The following CFTR variants were observed in gnomAD, a reference collection of about 807,000 sequenced individuals.
CFTR encodes the protein cystic fibrosis transmembrane conductance regulator.
CFTR carries 181 observed loss-of-function variants against 171.6 expected under a neutral mutation model. The observed-to-expected ratio is 1.05, with a 90% CI of 0.93 to 1.19. CFTR has a LOEUF of 1.19. Ranked by LOEUF, CFTR falls within the 50% of genes most tolerant of loss-of-function variation. CFTR has a pLI of 0.00. For synonymous variants in CFTR, 583 were observed against 608.0 expected, an observed-to-expected ratio of 0.96 and a Z score of 0.60; for missense variants, 1,968 against 1,734.7, an observed-to-expected ratio of 1.13 and a Z score of -2.39.
chr7:117,637,738 G>A (rs376509543), intron 22 of CFTR, among the ~76,000 whole-genome samples: 52 of 152,130 alleles, frequency 3.4e-4, no homozygotes, highest in African/African-American at 1.1e-3. Context: ...TCAGCCAGGT[G>A]TGGTGGCACA....
intron 14 of CFTR, among the ~76,000 whole-genome samples, chr7:117,594,497 T>A (rs978299988): frequency 5.3e-5 from 8 of 152,314 alleles, no homozygotes; most frequent in African/African-American, 1.9e-4. Context: ...TTCAGTCTAT[T>A]GGAAGACCTT....
chr7:117,648,023 T>C (rs1273793177), intron 23 of CFTR, among the ~76,000 whole-genome samples: 1 of 148,030 alleles, frequency 6.8e-6, no homozygotes, highest in Non-Finnish European at 1.5e-5. Flanking sequence ...TGTGTGTGTG[T>C]GTATATATAT....
rs371735330 is a variant in CFTR, at chr7:117,586,819, G to C, written c.1585-920G>C. Among the ~76,000 whole-genome samples the C allele has an allele frequency of 2.0e-5, 3 of 151,642 alleles. No individual in the cohort carries two copies. The East Asian group carries it at 5.8e-4, about 29-fold the overall frequency. On this transcript the variant is annotated intron_variant, in intron 11 of 26. Transcript: ENST00000003084. ...GAGTTTACTACCTATCTAACTCTTC[G>C]CATTCTTGAAGTCTCAGACCAAATC... is the stretch of plus-strand genomic sequence containing the variant.
chr7:117,644,432 G>A (rs1430223656), intron 23 of CFTR, among the ~76,000 whole-genome samples: 1 of 151,572 alleles, frequency 6.6e-6, no homozygotes, highest in Non-Finnish European at 1.5e-5. Context: ...AAAAAAAAAG[G>A]AAGAAGGAAT....
rs746301481 is a variant in CFTR, at chr7:117,603,606, G to A, written c.2732G>A (p.Ser911Asn). 3.7e-6 allele frequency: 6 copies of A among 1,614,026 alleles called. No individual in the cohort carries two copies. The South Asian group carries it at 6.6e-5, about 18-fold the overall frequency. ...NSYAVIITST[S>N]SYYVFYIYVG... ...TATGCAGTGATTATCACCAGCACCA[G>A]TTCGTATTATGTGTTTTACATTTAC... Residue 911 changes from serine to asparagine, a missense_variant, in exon 17 of 27, where the codon AGT becomes AAT. By Grantham distance (46) the Ser-to-Asn change is conservative (BLOSUM62 1). Coordinates refer to ENST00000003084, the MANE Select transcript of CFTR (RefSeq NM_000492.4).
intron 23 of CFTR, among the ~76,000 whole-genome samples, chr7:117,649,717 T>C (rs1178920482): frequency 1.3e-5 from 2 of 152,030 alleles, no homozygotes; most frequent in Non-Finnish European, 2.9e-5. Context: ...GGACAGGGTA[T>C]GCAGCAGTTA....
intron 22 of CFTR, among the ~76,000 whole-genome samples, chr7:117,634,941 T>C (rs2116147115): frequency 6.6e-6 from 1 of 152,234 alleles, no homozygotes; most frequent in South Asian, 2.1e-4. Context: ...TTGAATGAGG[T>C]AGTCTATAGA....
chr7:117,633,456 A>G (rs1302083357), intron 22 of CFTR, among the ~76,000 whole-genome samples: 3 of 152,150 alleles, frequency 2.0e-5, no homozygotes, highest in East Asian at 3.9e-4. Context: ...ATCTGAACTT[A>G]GTTTTATTTC....
chr7:117,514,492 T>A (rs1292091854), intron 3 of CFTR, among the ~76,000 whole-genome samples: 1 of 152,176 alleles, frequency 6.6e-6, no homozygotes, highest in Non-Finnish European at 1.5e-5. Flanking sequence ...ATGATCTCAT[T>A]CCTTTTTATG....
Position 117,656,520 on chromosome 7 carries a change from C to T in CFTR, c.3963+3589C>T, listed in dbSNP as rs561532640. On this transcript the variant is annotated intron_variant, in intron 24 of 26. Transcript: ENST00000003084. ...TTCTAAATAACACCTTATGTTTATC[C>T]AACAGGTGGTTCATTATACTTGAGA... 2.0e-3 allele frequency among the ~76,000 whole-genome samples: 304 copies of T among 152,146 alleles called. 1 individual carries two copies. Among genetic ancestry groups the T allele is most frequent in the Non-Finnish European group, 1.8e-3 (123 of 68,010 alleles).
intron 3 of CFTR, among the ~76,000 whole-genome samples, chr7:117,524,407 A>C (rs868258904): frequency 6.6e-6 from 1 of 151,794 alleles, no homozygotes; most frequent in Non-Finnish European, 1.5e-5. Flanking sequence ...AAAAAAAAAA[A>C]CCAAATCAAA....
chr7:117,535,524 A>C lies in CFTR; in HGVS notation c.743+113A>C. Reference sequence around the variant, plus strand: ...AGAACAGTGATCTTCAGTGTCATTAAATTTTTTTTTTTTTTTTTTTTTTGA... The same window carrying C: ...AGAACAGTGATCTTCAGTGTCATTACATTTTTTTTTTTTTTTTTTTTTTGA... On this transcript the variant is annotated intron_variant, in intron 6 of 26. Coordinates refer to ENST00000003084, the MANE Select transcript of CFTR (RefSeq NM_000492.4). The C allele has an allele frequency of 6.5e-6, 5 of 774,664 alleles. 1 individual carries two copies. In the South Asian group the frequency reaches 8.5e-5, roughly 13 times the overall value. The allele number at this position is 774,664 out of a possible 1,614,324, so 48.0% of individuals were successfully genotyped here.
chr7:117,611,853 T>G (rs369353024), intron 20 of CFTR, 45 bp downstream of exon 20: 1 of 1,348,928 alleles, frequency 7.4e-7, no homozygotes, highest in Non-Finnish European at 1.1e-6. Context: ...AAGTAAAAAA[T>G]TTTCAATGAA....
intron 4 of CFTR, 107 bp downstream of exon 4, chr7:117,531,221 A>T (rs1798860963): frequency 1.3e-6 from 1 of 784,176 alleles, no homozygotes; most frequent in South Asian, 1.5e-5. Flanking sequence ...TAAATGCTGA[A>T]ATTAATTTAA....
intron 10 of CFTR, among the ~76,000 whole-genome samples, chr7:117,558,553 C>CTAAATAAATAAATAAATAAATAAA (rs10655920): frequency 2.1e-5 from 3 of 145,208 alleles, no homozygotes; most frequent in Non-Finnish European, 3.0e-5. Flanking sequence ...GACTCTGTCT[C>CTAAATAAATAAATAAATAAATAAA]TAAATAAATA....
rs1337616659 is a variant in CFTR at position 117,631,833 on chromosome 7, TG to T, written c.3717+4064del. On this transcript the variant is annotated intron_variant, in intron 22 of 26. Transcript: ENST00000003084. ...CAAACCTAAAGAGTTCATGGATACGTGCAATTTACAGATGCACAGTCAGAAG... is the reference window on the plus strand; with the variant it reads ...CAAACCTAAAGAGTTCATGGATACGTCAATTTACAGATGCACAGTCAGAAG... Among the ~76,000 whole-genome samples, 3 of 152,314 alleles carry T rather than the reference TG, an allele frequency of 2.0e-5. No homozygotes were observed. The East Asian group carries it at 5.8e-4, about 29-fold the overall frequency.
chr7:117,653,504 A>G (rs981783792), intron 24 of CFTR, among the ~76,000 whole-genome samples: 1 of 152,140 alleles, frequency 6.6e-6, no homozygotes, highest in African/African-American at 2.4e-5. Flanking sequence ...CTCTTTTACA[A>G]TGGCACTAAT....
At chr7:117,577,963 A>G (rs1791795839) in intron 11 of CFTR, among the ~76,000 whole-genome samples, 1 of 152,180 alleles carries the variant, frequency 6.6e-6, no homozygotes, top group African/African-American at 2.4e-5. Flanking sequence ...TTAGCACCAT[A>G]ATAGTGAATG....
chr7:117,661,100 C>G (rs1411132512), intron 24 of CFTR, among the ~76,000 whole-genome samples: 2 of 152,292 alleles, frequency 1.3e-5, no homozygotes, highest in Middle Eastern at 3.4e-3. Context: ...TCTTGCTTTC[C>G]ATTATCTCAC....
Sources: allele counts gnomAD v4.1 joint callset (sites outside exome capture counted in the v4.1 genomes callset), GRCh38; gene constraint gnomAD v4.1.1; transcripts MANE v1.5; gene names NCBI Gene and HGNC (gene_info 2026-07-23, HGNC 2026-07-21).